FAM114A1: variants seen among roughly 807,000 people sequenced by gnomAD.
The protein encoded by FAM114A1 is protein NOXP20.
Under a neutral mutation model 64.3 loss-of-function variants are expected in FAM114A1, and 62 were observed. The ratio of observed to expected loss-of-function variants is 0.96; its 90% confidence interval spans 0.79 to 1.19. The LOEUF is 1.19. Among genes scored for constraint, FAM114A1 ranks in the 50% most tolerant of loss-of-function variants. The pLI is 0.00. For missense variants in FAM114A1, 645 were observed against 676.3 expected (o/e 0.95, Z 0.51); for synonymous variants, 254 against 251.1 (o/e 1.01, Z -0.11).
intron 11 of FAM114A1, 58 bp from the exon 12 acceptor site, chr4:38,932,177 T>A: frequency 6.5e-7 from 1 of 1,539,314 alleles, no homozygotes; most frequent in Non-Finnish European, 8.7e-7. Context: ...GTCACAGCAT[T>A]TTTTTAAAAA....
intron 4 of FAM114A1, among the ~76,000 whole-genome samples, chr4:38,903,378 C>G (rs181803564): frequency 6.6e-6 from 1 of 152,280 alleles, no homozygotes; most frequent in East Asian, 1.9e-4. Context: ...TTCATTATCT[C>G]CTGAAACAGT....
Position 38,878,256 on chromosome 4 carries a change from G to T in FAM114A1, c.178G>T (p.Gly60Cys). 1 of 1,614,208 alleles carries T rather than the reference G, an allele frequency of 6.2e-7. No individual in the cohort carries two copies. Among genetic ancestry groups the T allele is most frequent in the Non-Finnish European group, 8.5e-7 (1 of 1,180,036 alleles). ...GEGHENAAVQ[G>C]AGAAAIGPPV... ...GGGGCATGAAAATGCAGCTGTGCAG[G>T]GTGCAGGGGCTGCCGCCATTGGGCC... The change falls in exon 3 of 15, where the codon GGT becomes TGT. Residue 60 changes from glycine to cysteine, a missense_variant. Transcript: ENST00000358869.
chr4:38,908,199 A>T (rs544545581), intron 6 of FAM114A1, among the ~76,000 whole-genome samples: 112 of 152,058 alleles, frequency 7.4e-4, no homozygotes, highest in African/African-American at 2.6e-3. Flanking sequence ...GGGTTAAAAA[A>T]ATTTTTAAAC....
intron 3 of FAM114A1, among the ~76,000 whole-genome samples, chr4:38,881,928 G>A (rs1281204380): frequency 6.6e-6 from 1 of 152,200 alleles, no homozygotes; most frequent in Non-Finnish European, 1.5e-5. Flanking sequence ...CTGAGGAATG[G>A]CAGGTTCTGC....
rs1713679265 is a variant in FAM114A1 at position 38,868,419 on chromosome 4, C to G, written c.-136C>G. ...ACAGCCGACCCACGCCCTGCCTGCT[C>G]TTCCAGTCCAGCCAACACTCTAAGC... is the stretch of plus-strand genomic sequence containing the variant. On this transcript the variant is annotated 5_prime_UTR_variant, in exon 2 of 15. Coordinates refer to ENST00000358869, the MANE Select transcript of FAM114A1 (RefSeq NM_138389.4). The G allele has an allele frequency of 6.5e-6, 1 of 153,036 alleles. No homozygotes were observed. The highest frequency in any genetic ancestry group is 2.4e-5 in the African/African-American group (1 of 41,466). 9.5% of individuals were successfully genotyped at this position (153,036 alleles called of 1,614,324 possible).
At chr4:38,925,440 C>T (rs1440074942) in intron 9 of FAM114A1, among the ~76,000 whole-genome samples, 1 of 152,142 alleles carries the variant, frequency 6.6e-6, no homozygotes, top group African/African-American at 2.4e-5. Flanking sequence ...AATCCAGGAG[C>T]AATCCAGCAG....
chr4:38,873,525 A>G (rs1379885579), intron 2 of FAM114A1, among the ~76,000 whole-genome samples: 1 of 152,236 alleles, frequency 6.6e-6, no homozygotes, highest in Non-Finnish European at 1.5e-5. Context: ...ATCATAGGAA[A>G]AACTGAAGCA....
intron 8 of FAM114A1, among the ~76,000 whole-genome samples, chr4:38,918,024 C>A (rs1247067393): frequency 6.6e-6 from 1 of 151,790 alleles, no homozygotes; most frequent in Non-Finnish European, 1.5e-5. Context: ...CGAGATCAGC[C>A]TGACCAACAT....
rs147553008 is a variant in FAM114A1 at position 38,870,183 on chromosome 4, C to T, written c.-9+1637C>T. Among the ~76,000 whole-genome samples, 546 of 152,314 alleles carry T rather than the reference C, an allele frequency of 3.6e-3. 3 individuals carry two copies. Among genetic ancestry groups the T allele is most frequent in the African/African-American group, 0.013 (528 of 41,570 alleles). ...CCATCGCTCCCACCTCTCATCATTC[C>T]TCCATGCAGCCTCATGTCCTGGCCT... On this transcript the variant is annotated intron_variant, in intron 2 of 14. Coordinates refer to ENST00000358869, the MANE Select transcript of FAM114A1 (RefSeq NM_138389.4).
chr4:38,911,664 A>G (rs1194939336), intron 7 of FAM114A1, among the ~76,000 whole-genome samples: 1 of 152,170 alleles, frequency 6.6e-6, no homozygotes, highest in Non-Finnish European at 1.5e-5. Flanking sequence ...GGATGGCTCC[A>G]AGGTCTTTCG....
At chr4:38,937,795 C>T (rs1004683076) in intron 13 of FAM114A1, among the ~76,000 whole-genome samples, 11 of 152,172 alleles carry the variant, frequency 7.2e-5, no homozygotes, top group African/African-American at 2.4e-4. Flanking sequence ...AGTGCAGTGG[C>T]GCGATCTTGG....
chr4:38,907,102 G>A (rs1180817552), intron 6 of FAM114A1, among the ~76,000 whole-genome samples: 2 of 152,178 alleles, frequency 1.3e-5, no homozygotes, highest in Non-Finnish European at 2.9e-5. Context: ...CCAGACCTTG[G>A]GGTCAGGACA....
At chr4:38,872,961 CAGAG>C (rs1435178419) in intron 2 of FAM114A1, among the ~76,000 whole-genome samples, 1 of 152,214 alleles carries the variant, frequency 6.6e-6, no homozygotes, top group Non-Finnish European at 1.5e-5. Context: ...AGTCCTGATT[CAGAG>C]AGAGGTTTTC....
rs1008540813 is a variant in FAM114A1, at chr4:38,915,000, T to C, written c.872T>C (p.Met291Thr). 9.3e-6 allele frequency: 15 copies of C among 1,614,194 alleles called. No homozygotes were observed. Among genetic ancestry groups the C allele is most frequent in the Non-Finnish European group, 1.3e-5 (15 of 1,180,034 alleles). ...ATGGAGAGAACCGCGCACTACGGGA[T>C]GCTGTTTGATGAATATCAAGGCTTG... The part of the protein sequence containing the change: ...LTMERTAHYG[M>T]LFDEYQGLSH... Residue 291 changes from methionine to threonine, a missense_variant, in exon 8 of 15, where the codon ATG becomes ACG. Transcript: ENST00000358869.
Position 38,878,573 on chromosome 4 carries a change from T to C in FAM114A1, c.348+147T>C, listed in dbSNP as rs1714908737. On this transcript the variant is annotated intron_variant, in intron 3 of 14. Transcript: ENST00000358869. ...CTGTCATCAGAAATGTGTAGTGAGA[T>C]TAGACATATATAAAAATAATTTGTC... 5 of 632,808 alleles carry C rather than the reference T, an allele frequency of 7.9e-6. 1 individual carries two copies. In the South Asian group the frequency reaches 1.2e-4, roughly 15 times the overall value. 39.2% of individuals were successfully genotyped at this position (632,808 alleles called of 1,614,324 possible). A position where few individuals can be genotyped will look rare whatever the true frequency, so the allele number is the denominator to read the frequency against.
chr4:38,934,918 C>CT lies in FAM114A1; in HGVS notation c.1464-787dup, dbSNP rs1211360132. The stretch of plus-strand genomic sequence containing the variant: ...CTAAACAGGTTACCTAACTTTCTTA[C>CT]TTTTTTTTTTTTTGAGATGGAGTTT... On this transcript the variant is annotated intron_variant, in intron 12 of 14. Transcript: ENST00000358869. Among the ~76,000 whole-genome samples the CT allele has an allele frequency of 3.1e-3, 454 of 145,972 alleles. 3 individuals carry two copies. The highest frequency in any genetic ancestry group is 0.021 in the Admixed American group (303 of 14,562).
chr4:38,901,716 A>G lies in FAM114A1; in HGVS notation c.437-3806A>G, dbSNP rs535994557. On this transcript the variant is annotated intron_variant, in intron 4 of 14. Transcript: ENST00000358869. The stretch of plus-strand genomic sequence containing the variant: ...TTTTGATCCTGGTGGAATTCACAAG[A>G]AGAGAGCTTCATAAGATCACAGTGC... Among the ~76,000 whole-genome samples, 9 of 152,350 alleles carry G rather than the reference A, an allele frequency of 5.9e-5. No homozygotes were observed. In the South Asian group the frequency reaches 1.9e-3, roughly 32 times the overall value.
In FAM114A1 at chr4:38,944,690, G is replaced by A. The variant is rs1461351256; in HGVS notation, c.*1133G>A. 6.6e-6 allele frequency: 1 copy of A among 152,220 alleles called. No individual in the cohort carries two copies. The highest frequency in any genetic ancestry group is 1.5e-5 in the Non-Finnish European group (1 of 68,094). 9.4% of individuals were successfully genotyped at this position (152,220 alleles called of 1,614,324 possible). ...AGCAGCATTAGAGTCTCATGGGAGT[G>A]CGAACCCTGTTGTGAACTGCACATG... On this transcript the variant is annotated 3_prime_UTR_variant, in exon 15 of 15. Coordinates refer to ENST00000358869, the MANE Select transcript of FAM114A1 (RefSeq NM_138389.4).
At chr4:38,937,826 C>G (rs1721239060) in intron 13 of FAM114A1, among the ~76,000 whole-genome samples, 1 of 152,060 alleles carries the variant, frequency 6.6e-6, no homozygotes, top group Non-Finnish European at 1.5e-5. Flanking sequence ...CCTCTGCCTC[C>G]CAAGTTCAAG....
Sources: gnomAD v4.1 joint callset for allele counts (sites outside exome capture counted in the v4.1 genomes callset) on GRCh38, gnomAD v4.1.1 for gene constraint, MANE v1.5 for transcripts, NCBI Gene and HGNC (gene_info 2026-07-23, HGNC 2026-07-21) for gene names.